The following SLC5A12 variants were observed in gnomAD, a reference collection of about 807,000 sequenced individuals.
SLC5A12 encodes solute carrier family 5 member 12, also known as sodium-coupled monocarboxylate transporter 2.
A neutral mutation model predicts 72.7 loss-of-function variants in SLC5A12; 46 were observed. That is an observed-to-expected ratio of 0.63 (90% CI 0.50 to 0.81). The LOEUF is 0.81. Ranked by LOEUF, SLC5A12 falls within the 30% of genes least tolerant of loss-of-function variation. The pLI is 0.00. For missense variants in SLC5A12, 683 were observed against 740.7 expected (o/e 0.92, Z 0.90); for synonymous variants, 275 against 264.4 (o/e 1.04, Z -0.39).
chr11:26,709,481 T>C, intron 3 of SLC5A12, 102 bp from the exon 4 acceptor site: 1 of 811,190 alleles, frequency 1.2e-6, no homozygotes, highest in Admixed American at 2.7e-5. Flanking sequence ...GTGTTCTTTG[T>C]AGGCAAAAAT....
chr11:26,678,209 C>G (rs555127572), intron 13 of SLC5A12, among the ~76,000 whole-genome samples: 1 of 152,216 alleles, frequency 6.6e-6, no homozygotes, highest in Non-Finnish European at 1.5e-5. Flanking sequence ...AAAATCTTGT[C>G]TCTTACTGGG....
chr11:26,713,750 A>G (rs1855285826), intron 1 of SLC5A12, among the ~76,000 whole-genome samples: 1 of 152,136 alleles, frequency 6.6e-6, no homozygotes, highest in Non-Finnish European at 1.5e-5. Context: ...TTGTCTTTAA[A>G]CAACAGAAAT....
At chr11:26,674,990 C>T (rs867586108) in intron 13 of SLC5A12, among the ~76,000 whole-genome samples, 9 of 152,176 alleles carry the variant, frequency 5.9e-5, no homozygotes, top group African/African-American at 1.4e-4. Context: ...CATATGTGAT[C>T]TCACACTCTG....
At chr11:26,680,814 G>A (rs755810436) in intron 12 of SLC5A12, among the ~76,000 whole-genome samples, 2 of 151,912 alleles carry the variant, frequency 1.3e-5, no homozygotes, top group African/African-American at 2.4e-5. Flanking sequence ...TTTCTCTTTT[G>A]TACTCATATC....
intron 10 of SLC5A12, 72 bp downstream of exon 10, chr11:26,686,405 G>T: frequency 7.3e-7 from 1 of 1,373,410 alleles, no homozygotes; most frequent in Non-Finnish European, 1.0e-6. Flanking sequence ...CTTGGAGGAA[G>T]AAGCAAGACA....
chr11:26,705,360 T>A (rs1418150754), intron 4 of SLC5A12, among the ~76,000 whole-genome samples: 1 of 152,044 alleles, frequency 6.6e-6, no homozygotes, highest in Non-Finnish European at 1.5e-5. Context: ...AATAAGTGCT[T>A]GGGAAATGAA....
chr11:26,709,046 CAAG>C (rs1383314460), intron 4 of SLC5A12: 1 of 311,960 alleles, frequency 3.2e-6, no homozygotes, highest in East Asian at 5.1e-5. Context: ...ATTCTCTAAT[CAAG>C]AAGACTTTTT....
At chr11:26,707,223 C>G (rs1009617101) in intron 4 of SLC5A12, among the ~76,000 whole-genome samples, 1 of 151,964 alleles carries the variant, frequency 6.6e-6, no homozygotes, top group Non-Finnish European at 1.5e-5. Flanking sequence ...TTTCTCCTTC[C>G]TCTGGCTCTT....
chr11:26,673,564 C>T, intron 13 of SLC5A12, 35 bp from the exon 14 acceptor site: 1 of 1,551,966 alleles, frequency 6.4e-7, no homozygotes. Context: ...TAGATGGTTG[C>T]AGGCCTCCAT....
chr11:26,714,742 A>G (rs2133218571), intron 1 of SLC5A12, among the ~76,000 whole-genome samples: 1 of 152,278 alleles, frequency 6.6e-6, no homozygotes, highest in East Asian at 1.9e-4. Context: ...TAAATGTTTC[A>G]TGGCTTACAA....
At chr11:26,674,486 G>A (rs1026464077) in intron 13 of SLC5A12, among the ~76,000 whole-genome samples, 7 of 151,826 alleles carry the variant, frequency 4.6e-5, no homozygotes, top group Admixed American at 6.6e-5. Flanking sequence ...TGCAACCTCC[G>A]TCTCCCGGGT....
rs1590718133 is a variant in SLC5A12, at chr11:26,688,929, C to T, written c.1154-2385G>A. ...ATAGCAGTTTTAGTCATAATGACCT[C>T]AAACAAGAACAGCCCAGGCCCATCA... is the stretch of plus-strand genomic sequence containing the variant. On this transcript the variant is annotated intron_variant, in intron 9 of 14. Coordinates refer to ENST00000396005, the MANE Select transcript of SLC5A12 (RefSeq NM_178498.4). Among the ~76,000 whole-genome samples the T allele has an allele frequency of 3.3e-5, 5 of 152,074 alleles. No individual in the cohort carries two copies. The East Asian group carries it at 5.8e-4, about 18-fold the overall frequency.
In SLC5A12 at chr11:26,698,304, T is replaced by C. The variant is rs1854874954; in HGVS notation, c.951+102A>G. ...CAACTTCTTGGGGTTTGAGAAATAG[T>C]GAGCAGTCCAGGAAGAAAAAGAGAA... On this transcript the variant is annotated intron_variant, in intron 7 of 14. Transcript: ENST00000396005. 5 of 1,428,406 alleles carry C rather than the reference T, an allele frequency of 3.5e-6. No homozygotes were observed. In the East Asian group the frequency reaches 1.2e-4, roughly 33 times the overall value. The allele number at this position is 1,428,406 out of a possible 1,614,324, so 88.5% of individuals were successfully genotyped here.
intron 12 of SLC5A12, among the ~76,000 whole-genome samples, 177 bp downstream of exon 12, chr11:26,680,877 TG>T (rs1854396195): frequency 6.6e-6 from 1 of 152,166 alleles, no homozygotes; most frequent in Non-Finnish European, 1.5e-5. Flanking sequence ...TACAGAGGAA[TG>T]GACATCTGCA....
Position 26,698,534 on chromosome 11 carries a change from C to A in SLC5A12, c.823G>T (p.Ala275Ser). ...AGACCCAGCAAGTTAAAATACAAGG[C>A]ACTAGAAAAGAGCACATGGGCCTAT... ...SCKTEKHAKL[A>S]LYFNLLGLWI... The change falls in exon 7 of 15, where the codon GCC becomes TCC. Residue 275 changes from alanine (A) to serine (S), a missense_variant and splice_region_variant. Transcript: ENST00000396005. 6.2e-7 allele frequency: 1 copy of A among 1,613,770 alleles called. No individual in the cohort carries two copies. The highest frequency in any genetic ancestry group is 8.5e-7 in the Non-Finnish European group (1 of 1,179,822).
chr11:26,668,884 C>T lies in SLC5A12; in HGVS notation c.*2218G>A, dbSNP rs764335681. The T allele has an allele frequency of 1.1e-4, 16 of 151,978 alleles. No individual in the cohort carries two copies. Among genetic ancestry groups the T allele is most frequent in the African/African-American group, 2.4e-5 (1 of 41,500 alleles). The allele number at this position is 151,978 out of a possible 1,614,324, so 9.4% of individuals were successfully genotyped here. A position where few individuals can be genotyped will look rare whatever the true frequency, so the allele number is the denominator to read the frequency against. Reference sequence around the variant, plus strand: ...TAATTAGGGACTATAAAAGAAGAAACGTTTTTAAAACTTTCTCGGAAATGT... The same window carrying T: ...TAATTAGGGACTATAAAAGAAGAAATGTTTTTAAAACTTTCTCGGAAATGT... On this transcript the variant is annotated 3_prime_UTR_variant, in exon 15 of 15. Transcript: ENST00000396005.
At position 26,703,962 on chromosome 11, in the gene SLC5A12, A is replaced by ATGTT; in HGVS notation, c.526-19_526-16dup. The stretch of plus-strand genomic sequence containing the variant: ...TTTAATCCTCCCTGAAATAGAGAGA[A>ATGTT]TGTTTGAGTCCTTGAAAACAAACCC... On this transcript the variant is annotated splice_polypyrimidine_tract_variant and intron_variant, in intron 4 of 14. Transcript: ENST00000396005. 1.2e-6 allele frequency: 2 copies of ATGTT among 1,613,126 alleles called. No individual in the cohort carries two copies. Among genetic ancestry groups the ATGTT allele is most frequent in the Non-Finnish European group, 1.7e-6 (2 of 1,179,392 alleles).
At chr11:26,684,079 T>G (rs944222603) in intron 10 of SLC5A12, among the ~76,000 whole-genome samples, 5 of 151,948 alleles carry the variant, frequency 3.3e-5, no homozygotes, top group African/African-American at 9.7e-5. Context: ...GCAGGTAACC[T>G]GAATTTAGTT....
chr11:26,706,387 G>A (rs1033677371), intron 4 of SLC5A12, among the ~76,000 whole-genome samples: 3 of 151,980 alleles, frequency 2.0e-5, no homozygotes, highest in Non-Finnish European at 2.9e-5. Flanking sequence ...ATCTGACAGA[G>A]GTATGCAGGG....
Sources: allele counts gnomAD v4.1 joint callset (sites outside exome capture counted in the v4.1 genomes callset), GRCh38; gene constraint gnomAD v4.1.1; transcripts MANE v1.5; gene names NCBI Gene and HGNC (gene_info 2026-07-23, HGNC 2026-07-21).